PAPPA2: variants seen among roughly 807,000 people sequenced by gnomAD.
PAPPA2 encodes pappalysin-2.
In PAPPA2, 86 loss-of-function variants were observed where a neutral mutation model predicts 176.4. The ratio of observed to expected loss-of-function variants is 0.49; its 90% CI spans 0.41 to 0.58. The LOEUF is 0.58. PAPPA2 is among the 20% of genes least tolerant of loss of function. The pLI, the probability that PAPPA2 is intolerant of heterozygous loss-of-function variation, is 0.00. For missense variants in PAPPA2, 2,073 were observed against 2,256.9 expected, an observed-to-expected ratio of 0.92 and a Z score of 1.65; for synonymous variants, 809 against 852.2, an observed-to-expected ratio of 0.95 and a Z score of 0.88.
intron 21 of PAPPA2, among the ~76,000 whole-genome samples, chr1:176,809,637 A>C (rs1290630479): frequency 6.6e-6 from 1 of 152,182 alleles, no homozygotes; most frequent in Non-Finnish European, 1.5e-5. Flanking sequence ...GGTGGTGGAA[A>C]ATAAGGGCAT....
chr1:176,703,742 A>C (rs1214137922), intron 9 of PAPPA2, among the ~76,000 whole-genome samples: 1 of 152,180 alleles, frequency 6.6e-6, no homozygotes, highest in African/African-American at 2.4e-5. Context: ...CTTGTCATAG[A>C]AGTATAAACA....
chr1:176,700,585 C>A (rs1322262014), intron 8 of PAPPA2, among the ~76,000 whole-genome samples: 1 of 152,202 alleles, frequency 6.6e-6, no homozygotes, highest in Non-Finnish European at 1.5e-5. Context: ...TCTCTCAAGG[C>A]CTGGCCTGGG....
intron 17 of PAPPA2, among the ~76,000 whole-genome samples, chr1:176,788,741 C>A (rs1665048873): frequency 6.6e-6 from 1 of 152,124 alleles, no homozygotes; most frequent in African/African-American, 2.4e-5. Flanking sequence ...TCTTCCAGGG[C>A]AGTATTGAGT....
intron 1 of PAPPA2, among the ~76,000 whole-genome samples, chr1:176,533,936 C>T (rs1362445017): frequency 6.6e-6 from 1 of 152,146 alleles, no homozygotes; most frequent in African/African-American, 2.4e-5. Flanking sequence ...AAATACACAC[C>T]AGATTTTGCA....
chr1:176,507,049 G>A (rs1370493149), intron 1 of PAPPA2, among the ~76,000 whole-genome samples: 1 of 151,742 alleles, frequency 6.6e-6, no homozygotes, highest in Non-Finnish European at 1.5e-5. Flanking sequence ...TCCAACAAAG[G>A]TTTAATATCC....
chr1:176,821,289 A>T (rs1417925229), intron 21 of PAPPA2, among the ~76,000 whole-genome samples: 1 of 152,226 alleles, frequency 6.6e-6, no homozygotes, highest in Non-Finnish European at 1.5e-5. Flanking sequence ...ATAAGGGCAT[A>T]TGGGAGCACA....
chr1:176,688,594 C>T (rs181582891), intron 4 of PAPPA2, among the ~76,000 whole-genome samples: 1 of 151,986 alleles, frequency 6.6e-6, no homozygotes, highest in East Asian at 1.9e-4. Context: ...ACAATTTTAC[C>T]ATAAGTAGTA....
intron 1 of PAPPA2, among the ~76,000 whole-genome samples, chr1:176,551,084 T>A (rs1650920785): frequency 5.3e-5 from 8 of 152,010 alleles, no homozygotes; most frequent in Admixed American, 5.2e-4. Context: ...CTTGTTCCCT[T>A]ACCTGCGAAA....
intron 1 of PAPPA2, among the ~76,000 whole-genome samples, chr1:176,513,987 T>C (rs1411181667): frequency 6.6e-6 from 1 of 152,162 alleles, no homozygotes; most frequent in East Asian, 1.9e-4. Context: ...TCAACATGAA[T>C]GAGGGATGGA....
intron 15 of PAPPA2, among the ~76,000 whole-genome samples, chr1:176,767,553 A>G (rs751469949): frequency 1.3e-5 from 2 of 152,158 alleles, no homozygotes; most frequent in Non-Finnish European, 2.9e-5. Context: ...TCACCATGTC[A>G]GCCAGAATGG....
At chr1:176,661,097 A>C (rs964580223) in intron 3 of PAPPA2, among the ~76,000 whole-genome samples, 1 of 152,230 alleles carries the variant, frequency 6.6e-6, no homozygotes, top group Non-Finnish European at 1.5e-5. Context: ...CTATTTCTTC[A>C]GTCAGCTAGC....
At chr1:176,735,677 AATCTATCTATCTATCTATCTATCT>A (rs55758426) in intron 12 of PAPPA2, among the ~76,000 whole-genome samples, 2,374 of 144,372 alleles carry the variant, frequency 0.016, 23 homozygotes, top group Middle Eastern at 0.039. Flanking sequence ...CATCTCTCAG[AATCTATCTATCTATCTATCTATCT>A]ATCTATCTAT....
At chr1:176,557,310 C>T in intron 2 of PAPPA2, 69 bp downstream of exon 2, 1 of 1,471,320 alleles carries the variant, frequency 6.8e-7, no homozygotes, top group South Asian at 1.4e-5. Flanking sequence ...ACGGGTTAGA[C>T]ATAGGGAGCG....
At chr1:176,754,022 T>C (rs1310702788) in intron 14 of PAPPA2, among the ~76,000 whole-genome samples, 1 of 151,720 alleles carries the variant, frequency 6.6e-6, no homozygotes, top group Non-Finnish European at 1.5e-5. Flanking sequence ...CAACTGTTTT[T>C]TTTTTTTTTT....
In PAPPA2 at chr1:176,765,787, A is replaced by G. The variant is rs1663937973; in HGVS notation, c.4273A>G (p.Arg1425Gly). Residue 1425 changes from arginine to glycine, a missense_variant, in exon 15 of 23, where the codon AGG (arginine) becomes GGG (glycine). Coordinates refer to ENST00000367662, the MANE Select transcript of PAPPA2 (RefSeq NM_020318.3). ...GLMKCAITCQ[R>G]GFALQASSGQ... ...CATGAAGTGTGCTATCACTTGTCAA[A>G]GGGGATTTGCCCTTCAGGCCAGCAG... 6.2e-7 allele frequency: 1 copy of G among 1,614,006 alleles called. No individual in the cohort carries two copies. The highest frequency in any genetic ancestry group is 1.7e-5 in the Admixed American group (1 of 59,998).
intron 4 of PAPPA2, among the ~76,000 whole-genome samples, chr1:176,686,447 T>A (rs955715610): frequency 2.6e-5 from 4 of 152,098 alleles, no homozygotes; most frequent in African/African-American, 9.7e-5. Flanking sequence ...GTCCCACTCT[T>A]GACATGTGGG....
intron 1 of PAPPA2, among the ~76,000 whole-genome samples, chr1:176,539,260 G>A (rs1471447987): frequency 6.6e-6 from 1 of 152,164 alleles, no homozygotes; most frequent in African/African-American, 2.4e-5. Flanking sequence ...TAGGGTATGA[G>A]CTGGGGCTGA....
chr1:176,805,971 G>C (rs923558313), intron 21 of PAPPA2, among the ~76,000 whole-genome samples: 17 of 113,034 alleles, frequency 1.5e-4, no homozygotes, highest in African/African-American at 6.0e-4. Flanking sequence ...CTGGGTGCCA[G>C]AGCAAAACCC....
chr1:176,515,363 A>T (rs1558411772), intron 1 of PAPPA2, among the ~76,000 whole-genome samples: 1 of 152,158 alleles, frequency 6.6e-6, no homozygotes, highest in Non-Finnish European at 1.5e-5. Context: ...CAGGAACTGT[A>T]AAAGGGCATT....
Sources: gnomAD v4.1 joint callset for allele counts (sites outside exome capture counted in the v4.1 genomes callset) on GRCh38, gnomAD v4.1.1 for gene constraint, MANE v1.5 for transcripts, NCBI Gene and HGNC (gene_info 2026-07-23, HGNC 2026-07-21) for gene names.